HPCAL1: variants seen among roughly 807,000 people sequenced by gnomAD.
HPCAL1 encodes hippocalcin-like protein 1.
HPCAL1 carries 8 observed loss-of-function variants against 17.1 expected under a neutral mutation model. That is an observed-to-expected ratio of 0.47 (90% CI 0.27 to 0.84). The LOEUF is 0.84. HPCAL1 is among the 40% of genes least tolerant of loss of function. The probability of loss-of-function intolerance (pLI) is 0.13; values close to 1 mark genes in which losing one functional copy is unlikely to be tolerated. For missense variants in HPCAL1, 165 were observed against 271.1 expected (o/e 0.61, Z 2.75); for synonymous variants, 112 against 111.4 (o/e 1.01, Z -0.03).
At chr2:10,370,581 C>A (rs1572738103) in intron 1 of HPCAL1, among the ~76,000 whole-genome samples, 2 of 152,236 alleles carry the variant, frequency 1.3e-5, no homozygotes, top group African/African-American at 4.8e-5. Flanking sequence ...TGAGCAGCAA[C>A]TGTGAGCTAG....
chr2:10,321,002 A>G (rs1355845712), intron 1 of HPCAL1, among the ~76,000 whole-genome samples: 1 of 152,082 alleles, frequency 6.6e-6, no homozygotes. Context: ...AGGCCGTTCC[A>G]CATTGTTATA....
In HPCAL1 at chr2:10,330,557, C is replaced by T. The variant is rs6745009; in HGVS notation, c.-111+27380C>T. On this transcript the variant is annotated intron_variant, in intron 1 of 4. Coordinates refer to ENST00000307845, the MANE Select transcript of HPCAL1 (RefSeq NM_002149.4). The surrounding 1 kb of genome is among the most constrained non-coding windows in gnomAD (Gnocchi z 4.2). ...TGGTGTCACCCGAGGCCTCTCTCCT[C>T]GGCTCCGTGTAGCCCTTTCTCCCTC... 1.8e-3 allele frequency among the ~76,000 whole-genome samples: 273 copies of T among 152,246 alleles called. 1 individual carries two copies. The highest frequency in any genetic ancestry group is 6.4e-3 in the African/African-American group (264 of 41,526).
chr2:10,333,869 C>T (rs1664542031), intron 1 of HPCAL1, among the ~76,000 whole-genome samples: 1 of 152,134 alleles, frequency 6.6e-6, no homozygotes, highest in Non-Finnish European at 1.5e-5. Flanking sequence ...AGAACATCAA[C>T]CTGTAAAGGA....
intron 1 of HPCAL1, among the ~76,000 whole-genome samples, chr2:10,379,487 C>G (rs1558501342): frequency 6.6e-6 from 1 of 151,792 alleles, no homozygotes; most frequent in South Asian, 2.1e-4. Flanking sequence ...CGTGGCTGAC[C>G]CTTCTGCAAT....
At chr2:10,422,890 G>A (rs746983765) in intron 3 of HPCAL1, 93 bp from the exon 4 acceptor site, 70 of 854,006 alleles carry the variant, frequency 8.2e-5, no homozygotes, top group Middle Eastern at 6.9e-4. Flanking sequence ...TGACCTCTCC[G>A]AGCCTTGTTG....
At chr2:10,387,406 G>A (rs1168738587) in intron 1 of HPCAL1, among the ~76,000 whole-genome samples, 3 of 152,168 alleles carry the variant, frequency 2.0e-5, no homozygotes, top group East Asian at 3.9e-4. Flanking sequence ...GTGGAGAAGC[G>A]CTTGGTGTAT....
intron 1 of HPCAL1, among the ~76,000 whole-genome samples, chr2:10,324,821 T>G (rs1051290426): frequency 1.8e-5 from 2 of 109,810 alleles, no homozygotes; most frequent in Non-Finnish European, 4.0e-5. Flanking sequence ...TTTGTGTTTT[T>G]TTTTTTTTTT....
chr2:10,363,668 G>A lies in HPCAL1; in HGVS notation c.-110-33167G>A, dbSNP rs1165965965. On this transcript the variant is annotated intron_variant, in intron 1 of 4. Transcript: ENST00000307845. The surrounding 1 kb of genome is among the most constrained non-coding windows in gnomAD (Gnocchi z 4.7). Reference sequence around the variant, plus strand: ...GACCTGCTGAAGCCAAATCTTTAGGGTGGGGCCAGGAATCTGCATTTTAAA... The same window carrying A: ...GACCTGCTGAAGCCAAATCTTTAGGATGGGGCCAGGAATCTGCATTTTAAA... Among the ~76,000 whole-genome samples the A allele has an allele frequency of 6.6e-6, 1 of 152,194 alleles. No individual in the cohort carries two copies. Among genetic ancestry groups the A allele is most frequent in the East Asian group, 1.9e-4 (1 of 5,192 alleles).
At chr2:10,420,557 C>A (rs961783293) in intron 3 of HPCAL1, among the ~76,000 whole-genome samples, 11 of 151,946 alleles carry the variant, frequency 7.2e-5, no homozygotes, top group Admixed American at 5.9e-4. Context: ...CTACCTGGTG[C>A]ACTTTGGAAA....
chr2:10,427,013 G>A lies in HPCAL1; in HGVS notation c.*192G>A, dbSNP rs1359442895. The A allele has an allele frequency of 6.9e-5, 41 of 591,322 alleles. No homozygotes were observed. In the East Asian group the frequency reaches 1.0e-3, roughly 15 times the overall value. The allele number at this position is 591,322 out of a possible 1,614,324, so 36.6% of individuals were successfully genotyped here. A position where few individuals can be genotyped will look rare whatever the true frequency, so the allele number is the denominator to read the frequency against. On this transcript the variant is annotated 3_prime_UTR_variant, in exon 5 of 5. Coordinates refer to ENST00000307845, the MANE Select transcript of HPCAL1 (RefSeq NM_002149.4). ...ACCAACGCGACATTCCTCCCCTCAC[G>A]CCTGGCCCGGTCCCTTCCAGGGCAA...
chr2:10,420,916 G>A (rs920031184), intron 3 of HPCAL1, among the ~76,000 whole-genome samples: 34 of 152,008 alleles, frequency 2.2e-4, no homozygotes, highest in Admixed American at 9.2e-4. Flanking sequence ...ATGTGCCACC[G>A]CAGCCAGCTA....
intron 4 of HPCAL1, 121 bp from the exon 5 acceptor site, chr2:10,426,603 C>T (rs1035845885): frequency 2.9e-5 from 23 of 786,646 alleles, no homozygotes; most frequent in Non-Finnish European, 4.7e-5. Context: ...CGTCCAGCTT[C>T]AAGAAGGCTC....
chr2:10,396,290 G>A (rs1669022323), intron 1 of HPCAL1, among the ~76,000 whole-genome samples: 1 of 152,236 alleles, frequency 6.6e-6, no homozygotes, highest in Non-Finnish European at 1.5e-5. Flanking sequence ...GGGTGATGAG[G>A]GGCCAACCCA....
chr2:10,340,177 C>T (rs1383794813), intron 1 of HPCAL1, among the ~76,000 whole-genome samples: 1 of 152,196 alleles, frequency 6.6e-6, no homozygotes, highest in Non-Finnish European at 1.5e-5. Flanking sequence ...AAGACATAGA[C>T]CCAAGGGTGC....
Position 10,402,581 on chromosome 2 carries a change from C to T in HPCAL1, c.-25+5661C>T, listed in dbSNP as rs370344796. 5.9e-5 allele frequency among the ~76,000 whole-genome samples: 9 copies of T among 152,284 alleles called. No individual in the cohort carries two copies. The South Asian group carries it at 6.2e-4, about 11-fold the overall frequency. ...CTGTAGCTGCTGGGGCCACCGAGGGCGGCTGGAACATCACCATTCTGTGCC... is the reference window on the plus strand; with the variant it reads ...CTGTAGCTGCTGGGGCCACCGAGGGTGGCTGGAACATCACCATTCTGTGCC... On this transcript the variant is annotated intron_variant, in intron 2 of 4. Transcript: ENST00000307845.
intron 2 of HPCAL1, chr2:10,408,816 A>G (rs2125607457): frequency 1.3e-5 from 2 of 152,358 alleles, no homozygotes; most frequent in South Asian, 4.1e-4. Flanking sequence ...CAGGGTGCTA[A>G]TGAGCTTGAA....
intron 1 of HPCAL1, among the ~76,000 whole-genome samples, chr2:10,340,557 G>C (rs1665014609): frequency 6.6e-6 from 1 of 152,224 alleles, no homozygotes; most frequent in Admixed American, 6.5e-5. Flanking sequence ...TGTCATACCT[G>C]TTGGCACCAT....
intron 2 of HPCAL1, among the ~76,000 whole-genome samples, chr2:10,401,764 G>T (rs995621087): frequency 1.3e-5 from 2 of 152,200 alleles, no homozygotes; most frequent in Non-Finnish European, 2.9e-5. Flanking sequence ...TTGGGAAAAG[G>T]GTCAGGAGAG....
At chr2:10,314,591 C>G (rs559797405) in intron 1 of HPCAL1, among the ~76,000 whole-genome samples, 2 of 152,242 alleles carry the variant, frequency 1.3e-5, no homozygotes, top group South Asian at 4.1e-4. Context: ...GATCCTCTAG[C>G]AGGAAAAACC....
Sources: allele counts gnomAD v4.1 joint callset (sites outside exome capture counted in the v4.1 genomes callset), GRCh38; gene constraint gnomAD v4.1.1; non-coding constraint Gnocchi (gnomAD v3.1); transcripts MANE v1.5; gene names NCBI Gene and HGNC (gene_info 2026-07-23, HGNC 2026-07-21).